Variants in ARMC9 observed in about 807,000 individuals in gnomAD.
ARMC9 encodes armadillo repeat containing 9, also known as lisH domain-containing protein ARMC9.
ARMC9 carries 94 observed loss-of-function variants against 107.0 expected under a neutral mutation model. The ratio of observed to expected loss-of-function variants is 0.88; its 90% CI spans 0.74 to 1.04. The LOEUF is 1.04. Ranked by LOEUF, ARMC9 falls within the 50% of genes least tolerant of loss-of-function variation. The pLI, the probability that ARMC9 is intolerant of heterozygous loss-of-function variation, is 0.00. For synonymous variants in ARMC9, 380 were observed against 396.9 expected (o/e 0.96, Z 0.51); for missense variants, 942 against 1,030.1 (o/e 0.91, Z 1.17).
chr2:231,256,708 G>T (rs1362399168), intron 10 of ARMC9, 88 bp downstream of exon 10: 7 of 1,416,922 alleles, frequency 4.9e-6, no homozygotes, highest in Non-Finnish European at 7.0e-6. Context: ...ACACTTAGCA[G>T]CCTAGGTTAG....
At chr2:231,242,207 G>A (rs1220976073) in intron 9 of ARMC9, among the ~76,000 whole-genome samples, 3 of 150,398 alleles carry the variant, frequency 2.0e-5, no homozygotes, top group Admixed American at 6.6e-5. Context: ...AGTTATTCCT[G>A]GTGCTAAGAC....
chr2:231,280,466 A>T (rs1165313940), intron 16 of ARMC9, among the ~76,000 whole-genome samples: 1 of 152,056 alleles, frequency 6.6e-6, no homozygotes, highest in East Asian at 1.9e-4. Context: ...TCAAAAAAAT[A>T]AATAAATAAA....
At chr2:231,354,599 C>A (rs1307128450) in intron 21 of ARMC9, among the ~76,000 whole-genome samples, 1 of 152,140 alleles carries the variant, frequency 6.6e-6, no homozygotes, top group Non-Finnish European at 1.5e-5. Flanking sequence ...CCAAGCTGGT[C>A]TCAAACTCCT....
intron 23 of ARMC9, among the ~76,000 whole-genome samples, chr2:231,366,996 G>A (rs1469028621): frequency 4.0e-5 from 6 of 149,712 alleles, no homozygotes; most frequent in East Asian, 4.2e-4. Flanking sequence ...GACTACAGGC[G>A]CCCGCCACCA....
At chr2:231,335,738 G>A (rs2044045915) in intron 20 of ARMC9, among the ~76,000 whole-genome samples, 1 of 152,132 alleles carries the variant, frequency 6.6e-6, no homozygotes, top group African/African-American at 2.4e-5. Flanking sequence ...CCTGCCTCTA[G>A]TATTTGTGAA....
intron 19 of ARMC9, among the ~76,000 whole-genome samples, chr2:231,316,630 A>G (rs1461168692): frequency 6.7e-6 from 1 of 149,614 alleles, no homozygotes; most frequent in African/African-American, 2.5e-5. Flanking sequence ...ATACCACTGC[A>G]CTCCAGCCTG....
At position 231,259,037 on chromosome 2, in the gene ARMC9, C is replaced by T; in HGVS notation, c.961C>T (p.Leu321=). Residue 321 remains leucine (L), a synonymous_variant, in exon 11 of 25, where the codon CTG becomes TTG. Transcript: ENST00000611582. The stretch of plus-strand genomic sequence containing the variant: ...ACTGCCCTCCTTGGATTATGAGAAA[C>T]TGAAGAAGGATTTGATTTTGGGGAG... ...PLLPSLDYEK[L]KKDLILGSDR... 6.2e-7 allele frequency: 1 copy of T among 1,614,124 alleles called. No individual in the cohort carries two copies. The highest frequency in any genetic ancestry group is 1.3e-5 in the African/African-American group (1 of 75,050).
chr2:231,300,089 A>G (rs2041631780), intron 19 of ARMC9, among the ~76,000 whole-genome samples: 2 of 152,226 alleles, frequency 1.3e-5, no homozygotes, highest in South Asian at 2.1e-4. Flanking sequence ...TTTCCTTACT[A>G]TATATCACAG....
rs1334293953 is a variant in ARMC9, at chr2:231,259,098, G to A, written c.1022G>A (p.Arg341His). Residue 341 changes from arginine (R) to histidine (H), a missense_variant, in exon 11 of 25, where the codon CGC (arginine) becomes CAC (histidine). Arg to His is a conservative substitution (Grantham distance 29). Transcript: ENST00000611582. Reference sequence around the variant, plus strand: ...AAAGCCTTCTTGTTGCAGGCTCTGCGCTGGGTAGGTACCTTTGTCTTAAAG... The same window carrying A: ...AAAGCCTTCTTGTTGCAGGCTCTGCACTGGGTAGGTACCTTTGTCTTAAAG... Reference protein sequence around the residue: ...RLKAFLLQALRWRLTTSHPGE... With the variant: ...RLKAFLLQALHWRLTTSHPGE... 6.2e-6 allele frequency: 10 copies of A among 1,611,540 alleles called. No individual in the cohort carries two copies. The highest frequency in any genetic ancestry group is 2.7e-5 in the African/African-American group (2 of 74,848).
intron 15 of ARMC9, among the ~76,000 whole-genome samples, chr2:231,277,303 A>G (rs1385735383): frequency 6.6e-6 from 1 of 152,092 alleles, no homozygotes; most frequent in East Asian, 1.9e-4. Flanking sequence ...TACAGGTACT[A>G]TCTCATTTAA....
At chr2:231,272,475 G>A (rs1350139650) in intron 13 of ARMC9, among the ~76,000 whole-genome samples, 4 of 151,830 alleles carry the variant, frequency 2.6e-5, no homozygotes, top group Non-Finnish European at 5.9e-5. Flanking sequence ...GGTTACAGGC[G>A]TGAGCCACCT....
intron 17 of ARMC9, among the ~76,000 whole-genome samples, chr2:231,290,586 C>T (rs1293089239): frequency 6.6e-6 from 1 of 152,196 alleles, no homozygotes; most frequent in Non-Finnish European, 1.5e-5. Flanking sequence ...CATTCAAATC[C>T]TGCCAGGGAA....
intron 13 of ARMC9, 93 bp from the exon 14 acceptor site, chr2:231,272,862 T>A: frequency 6.8e-7 from 1 of 1,462,022 alleles, no homozygotes; most frequent in Non-Finnish European, 9.3e-7. Context: ...TACTGTGTTA[T>A]ATGCAAAGTA....
intron 23 of ARMC9, among the ~76,000 whole-genome samples, chr2:231,366,830 ACT>A (rs1480844244): frequency 2.1e-5 from 3 of 142,800 alleles, no homozygotes; most frequent in Admixed American, 6.7e-5. Context: ...ATAGAGCGAG[ACT>A]CTGTCTCAAA....
At chr2:231,275,894 G>C (rs955310866) in intron 14 of ARMC9, among the ~76,000 whole-genome samples, 2 of 152,110 alleles carry the variant, frequency 1.3e-5, no homozygotes, top group African/African-American at 4.8e-5. Flanking sequence ...CGGAGGTTGC[G>C]GTGAGCCGAG....
Position 231,328,814 on chromosome 2 carries a change from C to CTTTTTTTTTTTTTTTTT in ARMC9, c.1774-2975_1774-2974insTTTTTTTTTTTTTTTTT, listed in dbSNP as rs1341987081. On this transcript the variant is annotated intron_variant, in intron 19 of 24. Coordinates refer to ENST00000611582, the MANE Select transcript of ARMC9 (RefSeq NM_001352754.2). ...AGCGTGTTCAATTTTCTTTTCTTTT[C>CTTTTTTTTTTTTTTTTT]TTTTCTTTTTTTTTTTTTGAGTCGG... Among the ~76,000 whole-genome samples the CTTTTTTTTTTTTTTTTT allele has an allele frequency of 2.5e-3, 322 of 127,174 alleles. 31 individuals carry two copies. The highest frequency in any genetic ancestry group is 9.3e-3 in the Middle Eastern group (2 of 214). 83.4% of individuals were successfully genotyped at this position (127,174 alleles called of 152,430 possible).
In ARMC9 at chr2:231,272,187, G is replaced by GTTT. The variant is rs56201225; in HGVS notation, c.1211-747_1211-745dup. On this transcript the variant is annotated intron_variant, in intron 13 of 24. Transcript: ENST00000611582. ...GGTTTTGTGTGTGTGTGTGTGTTTG[G>GTTT]TTTTTTTTTTTTTTTTTTTTTTTGA... 2.9e-3 allele frequency among the ~76,000 whole-genome samples: 286 copies of GTTT among 99,660 alleles called. 8 individuals are homozygous for GTTT. The highest frequency in any genetic ancestry group is 8.6e-3 in the African/African-American group (197 of 22,812). 65.4% of individuals were successfully genotyped at this position (99,660 alleles called of 152,430 possible). A position where few individuals can be genotyped will look rare whatever the true frequency, so the allele number is the denominator to read the frequency against.
At chr2:231,267,556 C>T (rs1435941726) in intron 12 of ARMC9, among the ~76,000 whole-genome samples, 1 of 152,152 alleles carries the variant, frequency 6.6e-6, no homozygotes, top group Admixed American at 6.6e-5. Context: ...TGCCTAAGGG[C>T]AATGGTGAGC....
In ARMC9 at chr2:231,214,908, C is replaced by T. The variant is rs201455171; in HGVS notation, c.255C>T (p.Ser85=). 4 of 1,614,180 alleles carry T rather than the reference C, an allele frequency of 2.5e-6. No homozygotes were observed. The highest frequency in any genetic ancestry group is 3.4e-6 in the Non-Finnish European group (4 of 1,180,032). The stretch of plus-strand genomic sequence containing the variant: ...TGTGGGAGGAGCACATTTCAAGTTC[C>T]ATCCGAGATGGGGACTCCTTTGCCC... ...FDLWEEHISS[S]IRDGDSFAQK... Residue 85 remains serine (S), a synonymous_variant, in exon 4 of 25, where the codon TCC becomes TCT. Coordinates refer to ENST00000611582, the MANE Select transcript of ARMC9 (RefSeq NM_001352754.2).
Sources: gnomAD v4.1 joint callset for allele counts (sites outside exome capture counted in the v4.1 genomes callset) on GRCh38, gnomAD v4.1.1 for gene constraint, MANE v1.5 for transcripts, NCBI Gene and HGNC (gene_info 2026-07-23, HGNC 2026-07-21) for gene names.